MPHOSPH9: variants seen among roughly 807,000 people sequenced by gnomAD.
MPHOSPH9 encodes the protein M-phase phosphoprotein 9.
In MPHOSPH9, 88 loss-of-function variants were observed where a neutral mutation model predicts 145.5. The observed-to-expected ratio is 0.60, with a 90% CI of 0.51 to 0.72. MPHOSPH9 has a LOEUF of 0.72. Among genes scored for constraint, MPHOSPH9 ranks in the 30% least tolerant of loss-of-function variants. MPHOSPH9 has a pLI of 0.00. For synonymous variants in MPHOSPH9, 435 were observed against 486.2 expected (o/e 0.89, Z 1.39); for missense variants, 1,238 against 1,386.6 (o/e 0.89, Z 1.70).
At chr12:123,225,990 C>T (rs1219192669) in intron 3 of MPHOSPH9, among the ~76,000 whole-genome samples, 1 of 152,114 alleles carries the variant, frequency 6.6e-6, no homozygotes. Context: ...GAGCCGAGAT[C>T]GCACCATAGC....
upstream of MPHOSPH9, among the ~76,000 whole-genome samples, chr12:123,234,237 T>C (rs551507897): frequency 2.0e-3 from 312 of 152,348 alleles, 1 homozygote; most frequent in Non-Finnish European, 2.6e-3. Flanking sequence ...CCAGGAGTTC[T>C]GGCTCACAGT....
intron 7 of MPHOSPH9, among the ~76,000 whole-genome samples, chr12:123,214,104 G>C (rs2046860684): frequency 6.6e-6 from 1 of 152,192 alleles, no homozygotes. Context: ...TCACCATGGA[G>C]TGTAAAGGAT....
chr12:123,241,747 G>A (rs1402822081), intron 1 of MPHOSPH9, among the ~76,000 whole-genome samples: 1 of 152,224 alleles, frequency 6.6e-6, no homozygotes, highest in East Asian at 1.9e-4. Flanking sequence ...GGGACTGTAG[G>A]CTATTATCTT....
chr12:123,192,560 T>G lies in MPHOSPH9; in HGVS notation c.2241+1826A>C, dbSNP rs557912181. Among the ~76,000 whole-genome samples the G allele has an allele frequency of 3.1e-5, 4 of 127,758 alleles. No individual in the cohort carries two copies. In the East Asian group the frequency reaches 9.7e-4, roughly 31 times the overall value. The allele number at this position is 127,758 out of a possible 152,430, so 83.8% of individuals were successfully genotyped here. The stretch of plus-strand genomic sequence containing the variant: ...GAAGAATCACCTGAGCCCGCGGAGG[T>G]TGAGGCTTCAGTAAGCTGTGATCGC... On this transcript the variant is annotated intron_variant, in intron 13 of 23. Coordinates refer to ENST00000606320, the MANE Select transcript of MPHOSPH9 (RefSeq NM_022782.4).
Position 123,221,895 on chromosome 12 carries a change from G to A in MPHOSPH9, c.349C>T (p.His117Tyr). The change falls in exon 5 of 24, where the codon CAT becomes TAT. Residue 117 changes from histidine (H) to tyrosine (Y), a missense_variant and splice_region_variant. His to Tyr is a moderately conservative substitution (Grantham distance 83). Around this residue, in one of 3 missense-constraint regions of MPHOSPH9, gnomAD observed 837 missense variants for 897.5 expected, o/e 0.93. Transcript: ENST00000606320. Reference sequence around the variant, plus strand: ...AAATTTTTTATCTCCTCCTGTATATGCTGGAAATAAAAAGTTATAGATTTG... The same window carrying A: ...AAATTTTTTATCTCCTCCTGTATATACTGGAAATAAAAAGTTATAGATTTG... ...QQEQFHNQIQ[H>Y]IQEEIKNLVK... The A allele has an allele frequency of 6.7e-7, 1 of 1,498,918 alleles. No homozygotes were observed. Among genetic ancestry groups the A allele is most frequent in the Non-Finnish European group, 8.9e-7 (1 of 1,117,810 alleles). The allele number at this position is 1,498,918 out of a possible 1,614,324, so 92.9% of individuals were successfully genotyped here.
chr12:123,220,108 C>T (rs921984585), intron 5 of MPHOSPH9, among the ~76,000 whole-genome samples: 4 of 151,740 alleles, frequency 2.6e-5, no homozygotes, highest in Non-Finnish European at 4.4e-5. Context: ...GCAGGAGAAT[C>T]ATATGAACCT....
intron 16 of MPHOSPH9, among the ~76,000 whole-genome samples, chr12:123,171,793 T>C (rs1379079865): frequency 6.6e-6 from 1 of 152,050 alleles, no homozygotes; most frequent in Non-Finnish European, 1.5e-5. Flanking sequence ...TATATATATA[T>C]CTCAAGCACA....
chr12:123,207,977 G>A (rs1006177486), intron 8 of MPHOSPH9, among the ~76,000 whole-genome samples: 6 of 151,754 alleles, frequency 4.0e-5, no homozygotes, highest in East Asian at 1.9e-4. Flanking sequence ...AGTGGCTCAC[G>A]CCTGTATTCC....
rs1238609662 is a variant in MPHOSPH9 at position 123,156,768 on chromosome 12, T to C, written c.*39A>G. The C allele has an allele frequency of 1.8e-5, 28 of 1,556,326 alleles. No homozygotes were observed. In the Admixed American group the frequency reaches 1.8e-4, roughly 10 times the overall value. On this transcript the variant is annotated 3_prime_UTR_variant, in exon 24 of 24. Transcript: ENST00000606320. Reference sequence around the variant, plus strand: ...TTCTGACTGCATAATTATACATTAGTGCAAACAAAAATGTCTCAAAATTTA... The same window carrying C: ...TTCTGACTGCATAATTATACATTAGCGCAAACAAAAATGTCTCAAAATTTA...
chr12:123,172,871 CTTTTTTTTTTT>C (rs1161727056), intron 16 of MPHOSPH9, among the ~76,000 whole-genome samples: 41 of 57,964 alleles, frequency 7.1e-4, no homozygotes, highest in South Asian at 1.9e-3. Flanking sequence ...TTTTCATTCA[CTTTTTTTTTTT>C]TTTTTTTTTT....
intron 23 of MPHOSPH9, among the ~76,000 whole-genome samples, chr12:123,157,465 A>G (rs1385075318): frequency 6.6e-6 from 1 of 151,988 alleles, no homozygotes; most frequent in African/African-American, 2.4e-5. Flanking sequence ...TACCTGGACT[A>G]TATATCATTA....
chr12:123,204,501 T>G (rs1011849032), intron 8 of MPHOSPH9, among the ~76,000 whole-genome samples: 1 of 151,160 alleles, frequency 6.6e-6, no homozygotes, highest in African/African-American at 2.4e-5. Flanking sequence ...TGAAAATAAG[T>G]CCCCCCCACC....
At chr12:123,202,117 A>G (rs368181932) in intron 11 of MPHOSPH9, 47 bp downstream of exon 11, 1 of 1,502,988 alleles carries the variant, frequency 6.7e-7, no homozygotes, top group Non-Finnish European at 8.9e-7. Flanking sequence ...TGTGAAAATA[A>G]TACATCCAAG....
At chr12:123,236,127 A>G (rs1179650772), upstream of MPHOSPH9, among the ~76,000 whole-genome samples, 1 of 152,316 alleles carries the variant, frequency 6.6e-6, no homozygotes. Context: ...ACATTGCCTA[A>G]GAAACTGGAA....
intron 1 of MPHOSPH9, among the ~76,000 whole-genome samples, chr12:123,242,162 A>C (rs1017445438): frequency 6.6e-6 from 1 of 152,180 alleles, no homozygotes; most frequent in African/African-American, 2.4e-5. Context: ...AACTTAACCA[A>C]GTTGGAAGGG....
chr12:123,169,322 C>T (rs1218612882), intron 16 of MPHOSPH9, among the ~76,000 whole-genome samples: 3 of 151,418 alleles, frequency 2.0e-5, no homozygotes, highest in Admixed American at 6.6e-5. Flanking sequence ...GGTGAAACCC[C>T]GTCTCTACTA....
chr12:123,184,957 T>C (rs982208688), intron 13 of MPHOSPH9, among the ~76,000 whole-genome samples: 5 of 151,854 alleles, frequency 3.3e-5, no homozygotes, highest in African/African-American at 9.7e-5. Context: ...ATGTGCACCA[T>C]CACACCCAGC....
chr12:123,192,357 G>A (rs1310977615), intron 13 of MPHOSPH9, among the ~76,000 whole-genome samples: 1 of 151,760 alleles, frequency 6.6e-6, no homozygotes, highest in South Asian at 2.1e-4. Context: ...AGGAGGCTGA[G>A]GCAGAAGCAT....
At chr12:123,220,915 C>A (rs2047170588) in intron 5 of MPHOSPH9, among the ~76,000 whole-genome samples, 1 of 151,860 alleles carries the variant, frequency 6.6e-6, no homozygotes, top group Non-Finnish European at 1.5e-5. Flanking sequence ...ATTAGCCTGG[C>A]GTGGTGGCGG....
Sources: gnomAD v4.1 joint callset for allele counts (sites outside exome capture counted in the v4.1 genomes callset) on GRCh38, gnomAD v4.1.1 for gene constraint, gnomAD v4.1.1 regional missense constraint, MANE v1.5 for transcripts, NCBI Gene and HGNC (gene_info 2026-07-23, HGNC 2026-07-21) for gene names.